The following NME8 variants were observed in gnomAD, a reference collection of about 807,000 sequenced individuals.
The protein encoded by NME8 is protein NME8.
NME8 carries 72 observed loss-of-function variants against 82.3 expected under a neutral mutation model. The ratio of observed to expected loss-of-function variants is 0.87; its 90% CI spans 0.72 to 1.06. The LOEUF is 1.06. Among genes scored for constraint, NME8 ranks in the 50% least tolerant of loss-of-function variants. NME8 has a pLI of 0.00. For missense variants in NME8, 712 were observed against 685.4 expected (o/e 1.04, Z -0.43); for synonymous variants, 267 against 228.5 (o/e 1.17, Z -1.52).
chr7:37,855,000 T>C (rs765240683), intron 5 of NME8, among the ~76,000 whole-genome samples: 18 of 152,208 alleles, frequency 1.2e-4, no homozygotes, highest in Non-Finnish European at 2.6e-4. Context: ...TCCCAGACTT[T>C]AATGATGTTC....
intron 11 of NME8, among the ~76,000 whole-genome samples, chr7:37,874,641 T>C (rs765940558): frequency 6.8e-4 from 104 of 152,082 alleles, no homozygotes; most frequent in East Asian, 2.9e-3. Context: ...TTAAAATAAA[T>C]AGTCTAGATA....
intron 6 of NME8, 30 bp from the exon 7 acceptor site, chr7:37,861,998 G>T (rs910173023): frequency 1.4e-6 from 2 of 1,394,590 alleles, no homozygotes; most frequent in Admixed American, 1.7e-5. Flanking sequence ...CCAAATGAAA[G>T]TTCCCCTCCT....
chr7:37,894,669 A>C, intron 16 of NME8, 59 bp downstream of exon 16: 2 of 1,438,814 alleles, frequency 1.4e-6, no homozygotes, highest in South Asian at 1.3e-5. Flanking sequence ...CATTATAGAA[A>C]CTTTGAAAAA....
chr7:37,898,242 A>C (rs1785260133), intron 17 of NME8, among the ~76,000 whole-genome samples: 1 of 152,212 alleles, frequency 6.6e-6, no homozygotes, highest in South Asian at 2.1e-4. Flanking sequence ...GTGTACAGTG[A>C]TTGAAAAACC....
intron 2 of NME8, 47 bp downstream of exon 2, chr7:37,849,103 G>T (rs566566458): frequency 6.6e-6 from 1 of 152,362 alleles, no homozygotes; most frequent in African/African-American, 2.4e-5. Flanking sequence ...ATACAGTCTT[G>T]TTTGTGGCTT....
chr7:37,899,835 C>T (rs1484812616), intron 17 of NME8, among the ~76,000 whole-genome samples: 1 of 152,120 alleles, frequency 6.6e-6, no homozygotes, highest in African/African-American at 2.4e-5. Flanking sequence ...GAACCCCCAG[C>T]TGCTCCCCCA....
At chr7:37,898,542 A>C (rs1405890858) in intron 17 of NME8, among the ~76,000 whole-genome samples, 1 of 152,240 alleles carries the variant, frequency 6.6e-6, no homozygotes, top group African/African-American at 2.4e-5. Flanking sequence ...AGCCATTCAA[A>C]GGAATAAAGT....
intron 9 of NME8, 35 bp from the exon 10 acceptor site, chr7:37,865,490 C>G: frequency 7.0e-7 from 1 of 1,433,196 alleles, no homozygotes; most frequent in Non-Finnish European, 9.9e-7. Context: ...TGTGATCCCA[C>G]GACACCTGGA....
At position 37,888,538 on chromosome 7, in the gene NME8, G is replaced by C. The variant is rs1357677334; in HGVS notation, c.1399+110G>C. The C allele has an allele frequency of 5.0e-6, 5 of 1,000,044 alleles. No individual in the cohort carries two copies. In the African/African-American group the frequency reaches 8.1e-5, roughly 16 times the overall value. The allele number at this position is 1,000,044 out of a possible 1,614,324, so 61.9% of individuals were successfully genotyped here. On this transcript the variant is annotated intron_variant, in intron 15 of 17. Transcript: ENST00000199447. The stretch of plus-strand genomic sequence containing the variant: ...ACAGGAAACAGAAAATTCCAAAAAA[G>C]AAAAGTTGCGATGAGTACTCCTATC...
chr7:37,887,892 C>A (rs762762933), intron 14 of NME8, among the ~76,000 whole-genome samples: 12 of 152,096 alleles, frequency 7.9e-5, no homozygotes, highest in Admixed American at 2.6e-4. Context: ...AGCACAAGAA[C>A]AGCATGGGAG....
At chr7:37,888,737 T>A (rs911135693) in intron 15 of NME8, among the ~76,000 whole-genome samples, 1 of 152,156 alleles carries the variant, frequency 6.6e-6, no homozygotes, top group East Asian at 1.9e-4. Flanking sequence ...GATATATTAG[T>A]ACGGAATATC....
At chr7:37,866,283 C>T (rs1784681639) in intron 10 of NME8, among the ~76,000 whole-genome samples, 1 of 151,938 alleles carries the variant, frequency 6.6e-6, no homozygotes, top group Admixed American at 6.6e-5. Context: ...TGTTCAAATC[C>T]ACATGTGGCT....
chr7:37,861,951 C>G (rs1784602546), intron 6 of NME8, 77 bp from the exon 7 acceptor site: 1 of 896,594 alleles, frequency 1.1e-6, no homozygotes, highest in African/African-American at 1.6e-5. Flanking sequence ...GGAGGGATGA[C>G]TTAGTCCAGT....
intron 9 of NME8, among the ~76,000 whole-genome samples, 165 bp downstream of exon 9, chr7:37,864,586 A>G (rs973843063): frequency 2.6e-5 from 4 of 152,168 alleles, no homozygotes; most frequent in African/African-American, 9.7e-5. Flanking sequence ...ACAAGGCTCG[A>G]TCTATTCATG....
At position 37,867,834 on chromosome 7, in the gene NME8, T is replaced by C. The variant is rs1784710398; in HGVS notation, c.754T>C (p.Ser252Pro). 1.2e-6 allele frequency: 2 copies of C among 1,613,800 alleles called. No individual in the cohort carries two copies. Among genetic ancestry groups the C allele is most frequent in the Non-Finnish European group, 8.5e-7 (1 of 1,179,870 alleles). The change falls in exon 11 of 18, where the codon TCT (serine) becomes CCT (proline). Residue 252 changes from serine (S) to proline (P), a missense_variant. By Grantham distance (74) the Ser-to-Pro change is moderately conservative. Coordinates refer to ENST00000199447, the MANE Select transcript of NME8 (RefSeq NM_016616.5). ...PQTDTEPNER[S>P]EDQPEVEAQV... ...GACTGACACCGAACCTAACGAACGA[T>C]CTGAGGATCAACCTGAGGTCGAAGC...
At chr7:37,862,258 T>C in intron 7 of NME8, 114 bp downstream of exon 7, 1 of 737,314 alleles carries the variant, frequency 1.4e-6, no homozygotes, top group Non-Finnish European at 2.4e-6. Context: ...CTTTATGTCT[T>C]TTAATTTTAA....
At chr7:37,899,135 G>A (rs954116695) in intron 17 of NME8, among the ~76,000 whole-genome samples, 12 of 152,076 alleles carry the variant, frequency 7.9e-5, no homozygotes, top group Non-Finnish European at 1.3e-4. Flanking sequence ...CTGATTCCTC[G>A]AAGACCTGGA....
At chr7:37,890,834 T>C (rs1785119461) in intron 15 of NME8, among the ~76,000 whole-genome samples, 1 of 152,026 alleles carries the variant, frequency 6.6e-6, no homozygotes, top group Non-Finnish European at 1.5e-5. Flanking sequence ...TCAATTTTTG[T>C]TGATAATAAA....
chr7:37,867,667 G>A (rs1407971587), intron 10 of NME8, 35 bp from the exon 11 acceptor site: 1 of 1,548,262 alleles, frequency 6.5e-7, no homozygotes, highest in South Asian at 1.1e-5. Flanking sequence ...CATTTCAGGA[G>A]CCTGAAGGAA....
Sources: gnomAD v4.1 joint callset for allele counts (sites outside exome capture counted in the v4.1 genomes callset) on GRCh38, gnomAD v4.1.1 for gene constraint, MANE v1.5 for transcripts, NCBI Gene and HGNC (gene_info 2026-07-23, HGNC 2026-07-21) for gene names.